Variants in SESN1 observed in about 807,000 individuals in gnomAD.
SESN1 encodes sestrin 1.
Under a neutral mutation model 59.3 loss-of-function variants are expected in SESN1, and 30 were observed. That is an observed-to-expected ratio of 0.51 (90% CI 0.38 to 0.69). The LOEUF (loss-of-function observed/expected upper bound fraction) is 0.69, where lower values mean the gene tolerates loss of function less well. Among genes scored for constraint, SESN1 ranks in the 30% least tolerant of loss-of-function variants. SESN1 has a pLI of 0.00. For missense variants in SESN1, 566 were observed against 673.0 expected (o/e 0.84, Z 1.76); for synonymous variants, 197 against 219.9 (o/e 0.90, Z 0.92).
At chr6:109,035,410 G>C (rs1048114659) in intron 1 of SESN1, among the ~76,000 whole-genome samples, 1 of 152,086 alleles carries the variant, frequency 6.6e-6, no homozygotes, top group Non-Finnish European at 1.5e-5. Context: ...TAGGATTGAA[G>C]TAAAAGACTG....
At chr6:109,031,374 G>A (rs192837716) in intron 1 of SESN1, among the ~76,000 whole-genome samples, 2 of 152,246 alleles carry the variant, frequency 1.3e-5, no homozygotes, top group Admixed American at 1.3e-4. Flanking sequence ...GCACTTCAGT[G>A]GAAGAGGTAG....
intron 1 of SESN1, among the ~76,000 whole-genome samples, chr6:109,028,909 T>C (rs966225209): frequency 1.3e-5 from 2 of 152,148 alleles, no homozygotes; most frequent in Admixed American, 6.5e-5. Flanking sequence ...GCATGGTGCA[T>C]ATGGTGACAT....
chr6:108,984,676 G>A lies in SESN1; in HGVS notation c.*2868C>T, dbSNP rs1779135550. Among the ~76,000 whole-genome samples, 1 of 152,126 alleles carries A rather than the reference G, an allele frequency of 6.6e-6. No homozygotes were observed. The highest frequency in any genetic ancestry group is 2.1e-4 in the South Asian group (1 of 4,832). On this transcript the variant is annotated 3_prime_UTR_variant, in exon 10 of 10. Coordinates refer to ENST00000436639, the MANE Select transcript of SESN1 (RefSeq NM_014454.3). ...GTATTTTATTCTTTTTGATCCTATT[G>A]TAAATGGAATTGTTAAATTTTTTTG...
At chr6:109,013,317 G>A (rs1779888549) in intron 1 of SESN1, among the ~76,000 whole-genome samples, 1 of 152,180 alleles carries the variant, frequency 6.6e-6, no homozygotes, top group Non-Finnish European at 1.5e-5. Context: ...GGCAAGGCAA[G>A]AGGGCAGTCT....
intron 1 of SESN1, among the ~76,000 whole-genome samples, chr6:109,046,309 C>T (rs1376792610): frequency 1.3e-5 from 2 of 151,786 alleles, no homozygotes; most frequent in Non-Finnish European, 2.9e-5. Context: ...GGTCTCCAGC[C>T]CCTAACCGCG....
intron 6 of SESN1, 171 bp from the exon 7 acceptor site, chr6:108,993,070 A>T (rs2114272971): frequency 1.8e-6 from 1 of 546,798 alleles, no homozygotes. Flanking sequence ...AACAGAATGT[A>T]GTAAAAGGAG....
At position 109,048,104 on chromosome 6, in the gene SESN1, TAAA is replaced by T. The variant is rs58089773; in HGVS notation, c.279+45688_279+45690del. Among the ~76,000 whole-genome samples, 78 of 146,858 alleles carry T rather than the reference TAAA, an allele frequency of 5.3e-4. 1 individual carries two copies. The Middle Eastern group carries it at 0.01, about 20-fold the overall frequency. On this transcript the variant is annotated intron_variant, in intron 1 of 9. Transcript: ENST00000436639. Reference sequence around the variant, plus strand: ...AAGAATTATCAATAAAAAAATAAATTAAAAAAAAAAAAATCTAATGCAATATTT... The same window carrying T: ...AAGAATTATCAATAAAAAAATAAATTAAAAAAAAAATCTAATGCAATATTT...
chr6:109,032,619 T>TA (rs1562464477), intron 1 of SESN1, among the ~76,000 whole-genome samples: 1 of 147,874 alleles, frequency 6.8e-6, no homozygotes, highest in African/African-American at 2.5e-5. Flanking sequence ...CTTCATCTCG[T>TA]GGGGGGAGTG....
At chr6:109,052,270 T>C (rs1780553069) in intron 1 of SESN1, among the ~76,000 whole-genome samples, 2 of 152,226 alleles carry the variant, frequency 1.3e-5, no homozygotes, top group South Asian at 4.1e-4. Context: ...AGTTTCCCTC[T>C]ATAAATTCCA....
intron 1 of SESN1, among the ~76,000 whole-genome samples, chr6:109,024,175 G>A (rs1331603463): frequency 6.6e-6 from 1 of 152,138 alleles, no homozygotes; most frequent in Non-Finnish European, 1.5e-5. Flanking sequence ...CATATGTACT[G>A]TATTCAGTGG....
intron 1 of SESN1, among the ~76,000 whole-genome samples, chr6:109,077,198 A>T (rs1781045885): frequency 6.6e-6 from 1 of 152,196 alleles, no homozygotes. Context: ...ACTGTACTGT[A>T]TCACCCTACA....
chr6:108,998,793 G>A, intron 4 of SESN1, 38 bp from the exon 5 acceptor site: 1 of 1,575,150 alleles, frequency 6.3e-7, no homozygotes, highest in Non-Finnish European at 8.6e-7. Context: ...TTTTTGTACT[G>A]GGGTGTGGTA....
chr6:109,058,008 C>T (rs1216724879), intron 1 of SESN1, among the ~76,000 whole-genome samples: 1 of 151,944 alleles, frequency 6.6e-6, no homozygotes, highest in Non-Finnish European at 1.5e-5. Context: ...ACTGCATATA[C>T]AACAGGGTCC....
intron 1 of SESN1, among the ~76,000 whole-genome samples, chr6:109,033,855 C>T (rs1442553606): frequency 6.6e-6 from 1 of 152,126 alleles, no homozygotes; most frequent in African/African-American, 2.4e-5. Flanking sequence ...TGATTCCAGC[C>T]ATGTTTCTGT....
At position 109,001,447 on chromosome 6, in the gene SESN1, T is replaced by C. The variant is rs1309775182; in HGVS notation, c.387A>G (p.Leu129=). 6.2e-7 allele frequency: 1 copy of C among 1,613,652 alleles called. No individual in the cohort carries two copies. Among genetic ancestry groups the C allele is most frequent in the Non-Finnish European group, 8.5e-7 (1 of 1,179,802 alleles). The change falls in exon 3 of 10, where the codon TTA becomes TTG. Residue 129 remains leucine (L), a synonymous_variant. Transcript: ENST00000436639. ...CCAAAGCAGCAAAAGAATCTGCAAA[T>C]AAAGCATGCATCTGTGCGTCTTCAC... The part of the protein sequence containing the change: ...VGSEDAQMHA[L]FADSFAALGR...
chr6:109,025,001 G>C (rs562195643), intron 1 of SESN1, among the ~76,000 whole-genome samples: 2 of 152,166 alleles, frequency 1.3e-5, no homozygotes, highest in Non-Finnish European at 2.9e-5. Context: ...TAGGGAGACA[G>C]TGAGCACTAA....
intron 9 of SESN1, among the ~76,000 whole-genome samples, chr6:108,987,913 A>G (rs1562450750): frequency 6.7e-6 from 1 of 149,602 alleles, no homozygotes; most frequent in Non-Finnish European, 1.5e-5. Context: ...AGCGATTCTC[A>G]TGCCTCAGCT....
intron 1 of SESN1, among the ~76,000 whole-genome samples, chr6:109,076,611 A>T (rs1196364856): frequency 1.3e-5 from 2 of 152,164 alleles, no homozygotes; most frequent in African/African-American, 4.8e-5. Context: ...GGGCCACAAA[A>T]AGGAAACAAA....
intron 1 of SESN1, among the ~76,000 whole-genome samples, chr6:109,007,887 C>T (rs1779767252): frequency 6.6e-6 from 1 of 150,744 alleles, no homozygotes; most frequent in South Asian, 2.1e-4. Flanking sequence ...ATATTTGTGC[C>T]CTATACTTTG....
Sources: gnomAD v4.1 joint callset for allele counts (sites outside exome capture counted in the v4.1 genomes callset) on GRCh38, gnomAD v4.1.1 for gene constraint, MANE v1.5 for transcripts, NCBI Gene and HGNC (gene_info 2026-07-23, HGNC 2026-07-21) for gene names.